Variants in CFAP77 observed in about 807,000 individuals in gnomAD.
CFAP77 encodes cilia and flagella associated protein 77.
CFAP77 carries 25 observed loss-of-function variants against 31.1 expected under a neutral mutation model. That is an observed-to-expected ratio of 0.80 (90% CI 0.59 to 1.12). CFAP77 has a LOEUF of 1.12. CFAP77 is among the 50% of genes most tolerant of loss of function. The pLI is 0.00. For synonymous variants in CFAP77, 151 were observed against 159.9 expected (o/e 0.94, Z 0.42); for missense variants, 377 against 397.3 (o/e 0.95, Z 0.44).
chr9:132,496,205 T>C (rs185833927), intron 1 of CFAP77, among the ~76,000 whole-genome samples: 145 of 148,632 alleles, frequency 9.8e-4, no homozygotes, highest in African/African-American at 3.7e-3. Flanking sequence ...GTCTATTTTT[T>C]TAAAAAAAAC....
intron 1 of CFAP77, among the ~76,000 whole-genome samples, chr9:132,434,724 C>T (rs1275928782): frequency 3.3e-5 from 5 of 152,086 alleles, no homozygotes; most frequent in Admixed American, 1.3e-4. Context: ...AGCCCCCAAG[C>T]GCCCATGAGC....
At chr9:132,550,519 CTTTTTTTTTTT>C (rs766424349) in intron 5 of CFAP77, among the ~76,000 whole-genome samples, 4,213 of 102,882 alleles carry the variant, frequency 0.041, 103 homozygotes, top group Non-Finnish European at 0.059. Context: ...TCCCTTGAAG[CTTTTTTTTTTT>C]TTTTTTTTTT....
rs1337572841 is a variant in CFAP77, at chr9:132,480,870, T to C, written c.196-17825T>C. On this transcript the variant is annotated intron_variant, in intron 1 of 5. Transcript: ENST00000393216. This position sits in a 1 kb window ranked among gnomAD's most constrained non-coding sequence, Gnocchi z 5.8. ...AAAGCGGACGGTGAGCGAGAGGGCA[T>C]AAGATGAGGCCAAGGCTAGGAGCAG... Among the ~76,000 whole-genome samples the C allele has an allele frequency of 6.6e-6, 1 of 151,908 alleles. No homozygotes were observed. Among genetic ancestry groups the C allele is most frequent in the African/African-American group, 2.4e-5 (1 of 41,366 alleles).
chr9:132,470,402 G>A (rs1033697713), intron 1 of CFAP77, among the ~76,000 whole-genome samples: 1 of 152,170 alleles, frequency 6.6e-6, no homozygotes, highest in African/African-American at 2.4e-5. Context: ...GAGGACCCAG[G>A]TGACAGTCAT....
chr9:132,531,056 C>T (rs1227589867), intron 3 of CFAP77, among the ~76,000 whole-genome samples: 1 of 152,182 alleles, frequency 6.6e-6, no homozygotes, highest in African/African-American at 2.4e-5. Context: ...ATCCTTCCTC[C>T]ATTGAATTGC....
chr9:132,530,909 G>A (rs1412028792), intron 3 of CFAP77, among the ~76,000 whole-genome samples: 1 of 152,104 alleles, frequency 6.6e-6, no homozygotes, highest in Non-Finnish European at 1.5e-5. Context: ...TTAATGTTTT[G>A]TATTTAAATC....
intron 1 of CFAP77, among the ~76,000 whole-genome samples, chr9:132,438,777 C>G (rs1480514727): frequency 6.6e-6 from 1 of 151,276 alleles, no homozygotes; most frequent in African/African-American, 2.4e-5. Flanking sequence ...TCAAGTGATC[C>G]ACCCATCTCA....
In CFAP77 at chr9:132,472,245, G is replaced by A. The variant is rs369640337; in HGVS notation, c.196-26450G>A. 5.1e-4 allele frequency among the ~76,000 whole-genome samples: 77 copies of A among 152,364 alleles called. 2 individuals carry two copies. The South Asian group carries it at 0.015, about 29-fold the overall frequency. ...ACACATCTGACACTGGATATCATCTGTCAAATATGTGTTGAGTACTGGCAC... is the reference window on the plus strand; with the variant it reads ...ACACATCTGACACTGGATATCATCTATCAAATATGTGTTGAGTACTGGCAC... On this transcript the variant is annotated intron_variant, in intron 1 of 5. Coordinates refer to ENST00000393216, the MANE Select transcript of CFAP77 (RefSeq NM_001282957.2).
intron 1 of CFAP77, among the ~76,000 whole-genome samples, chr9:132,426,069 C>T (rs1007199871): frequency 4.6e-5 from 7 of 152,154 alleles, no homozygotes; most frequent in African/African-American, 1.4e-4. Context: ...CCCCCGCCCG[C>T]CTCCCCGAGC....
chr9:132,514,474 A>G (rs1852108329), intron 3 of CFAP77, among the ~76,000 whole-genome samples: 1 of 152,102 alleles, frequency 6.6e-6, no homozygotes. Flanking sequence ...AGAGGTGCCC[A>G]CCTGGGACTC....
At chr9:132,486,358 C>T (rs1002630127) in intron 1 of CFAP77, among the ~76,000 whole-genome samples, 6 of 151,794 alleles carry the variant, frequency 4.0e-5, no homozygotes, top group Middle Eastern at 3.2e-3. Context: ...TCCCAAAGTG[C>T]TGGGATTACA....
intron 4 of CFAP77, among the ~76,000 whole-genome samples, chr9:132,540,145 G>T (rs1416225599): frequency 6.6e-6 from 1 of 152,004 alleles, no homozygotes; most frequent in Non-Finnish European, 1.5e-5. Context: ...GGCCAGGCTG[G>T]TCTTAAACTC....
At position 132,424,853 on chromosome 9, in the gene CFAP77, C is replaced by T. The variant is rs567169732; in HGVS notation, c.195+14387C>T. 7.2e-5 allele frequency among the ~76,000 whole-genome samples: 11 copies of T among 152,322 alleles called. No individual in the cohort carries two copies. The South Asian group carries it at 1.9e-3, about 26-fold the overall frequency. ...GGCCTCCCCCTTTTCAAAGGAAAGG[C>T]ATCCCCTCCTCCTCTCCCAAACACG... On this transcript the variant is annotated intron_variant, in intron 1 of 5. Coordinates refer to ENST00000393216, the MANE Select transcript of CFAP77 (RefSeq NM_001282957.2). This position sits in a 1 kb window ranked among gnomAD's most constrained non-coding sequence, Gnocchi z 4.1.
At chr9:132,472,606 A>G (rs1233846477) in intron 1 of CFAP77, among the ~76,000 whole-genome samples, 1 of 152,214 alleles carries the variant, frequency 6.6e-6, no homozygotes, top group East Asian at 1.9e-4. Context: ...AACAAAATTT[A>G]AAAATTAGCT....
rs758157223 is a variant in CFAP77, at chr9:132,424,972, A to G, written c.195+14506A>G. ...AAAGCACAGTCCCGCTCACCCTCGC[A>G]GTTAGTTAGCATTTAGATAGACTGG... is the stretch of plus-strand genomic sequence containing the variant. On this transcript the variant is annotated intron_variant, in intron 1 of 5. Transcript: ENST00000393216. This position sits in a 1 kb window ranked among gnomAD's most constrained non-coding sequence, Gnocchi z 4.1. Among the ~76,000 whole-genome samples the G allele has an allele frequency of 2.0e-5, 3 of 152,168 alleles. No individual in the cohort carries two copies. The highest frequency in any genetic ancestry group is 7.2e-5 in the African/African-American group (3 of 41,436).
chr9:132,488,008 G>A (rs1255228503), intron 1 of CFAP77, among the ~76,000 whole-genome samples: 1 of 152,140 alleles, frequency 6.6e-6, no homozygotes, highest in Non-Finnish European at 1.5e-5. Flanking sequence ...GTATGCATGG[G>A]TCTAGCTATA....
intron 3 of CFAP77, among the ~76,000 whole-genome samples, chr9:132,520,757 C>T (rs1017037062): frequency 2.6e-5 from 4 of 152,176 alleles, no homozygotes; most frequent in African/African-American, 4.8e-5. Flanking sequence ...GCCTCAGGTC[C>T]GGTGTGGACC....
intron 3 of CFAP77, among the ~76,000 whole-genome samples, chr9:132,509,682 T>C (rs1219792144): frequency 6.6e-6 from 1 of 152,108 alleles, no homozygotes; most frequent in Non-Finnish European, 1.5e-5. Context: ...GGCACGAGAA[T>C]CACTTGAACC....
intron 3 of CFAP77, among the ~76,000 whole-genome samples, chr9:132,524,458 C>T (rs58542582): frequency 0.3 from 45,447 of 150,922 alleles, 7,288 homozygotes; most frequent in East Asian, 0.66. Context: ...TACATAAATA[C>T]AAAAATTAGC....
Sources: gnomAD v4.1 joint callset for allele counts (sites outside exome capture counted in the v4.1 genomes callset) on GRCh38, gnomAD v4.1.1 for gene constraint, Gnocchi (gnomAD v3.1) non-coding constraint, MANE v1.5 for transcripts, NCBI Gene and HGNC (gene_info 2026-07-23, HGNC 2026-07-21) for gene names.